The following CPS1 variants were observed in gnomAD, a reference collection of about 807,000 sequenced individuals.
The protein encoded by CPS1 is carbamoyl-phosphate synthase 1.
CPS1 carries 109 observed loss-of-function variants against 174.6 expected under a neutral mutation model. The ratio of observed to expected loss-of-function variants is 0.62; its 90% CI spans 0.53 to 0.73. The LOEUF is 0.73. CPS1 is among the 30% of genes least tolerant of loss of function. The probability of loss-of-function intolerance (pLI) is 0.00; values close to 1 mark genes in which losing one functional copy is unlikely to be tolerated. For synonymous variants in CPS1, 637 were observed against 632.0 expected (o/e 1.01, Z -0.12); for missense variants, 1,689 against 1,821.9 (o/e 0.93, Z 1.33).
intron 30 of CPS1, 67 bp downstream of exon 30, chr2:210,656,699 T>TG (rs954172780): frequency 2.1e-5 from 25 of 1,197,290 alleles, no homozygotes; most frequent in African/African-American, 3.1e-5. Context: ...TAAGGTTTTT[T>TG]TTTTTTTTTT....
intron 1 of CPS1, among the ~76,000 whole-genome samples, chr2:210,537,328 G>A (rs1696283155): frequency 6.6e-6 from 1 of 152,204 alleles, no homozygotes; most frequent in South Asian, 2.1e-4. Context: ...TGCATTTGCT[G>A]TGTCTTCTGG....
chr2:210,488,922 C>G (rs1247440102), intron 1 of CPS1, among the ~76,000 whole-genome samples: 1 of 151,814 alleles, frequency 6.6e-6, no homozygotes, highest in Non-Finnish European at 1.5e-5. Flanking sequence ...TCTAGCAAAA[C>G]TAGAAGTCTT....
chr2:210,640,977 A>G (rs957979211), intron 24 of CPS1, among the ~76,000 whole-genome samples: 25 of 152,232 alleles, frequency 1.6e-4, no homozygotes, highest in African/African-American at 6.0e-4. Context: ...ATCAAGTGCC[A>G]GGAAGTTCAG....
At chr2:210,673,214 T>A (rs2105939659) in intron 34 of CPS1, 1 of 152,334 alleles carries the variant, frequency 6.6e-6, no homozygotes, top group East Asian at 1.9e-4. Context: ...GAAGAATGGA[T>A]ATGTTTTTAA....
intron 15 of CPS1, among the ~76,000 whole-genome samples, chr2:210,601,710 C>T (rs1698732501): frequency 6.6e-6 from 1 of 151,754 alleles, no homozygotes; most frequent in African/African-American, 2.4e-5. Flanking sequence ...AAAAGAATTC[C>T]AAGCTTCTGG....
chr2:210,515,688 T>C (rs541267202), intron 1 of CPS1, among the ~76,000 whole-genome samples: 1 of 151,888 alleles, frequency 6.6e-6, no homozygotes, highest in Non-Finnish European at 1.5e-5. Flanking sequence ...TAGATTTTTG[T>C]GTCTCATTTC....
In CPS1 at chr2:210,579,696, A is replaced by G; in HGVS notation, c.472-18A>G. On this transcript the variant is annotated intron_variant, in intron 4 of 37. Transcript: ENST00000233072. ...AATCTCCTCCAATTTCACTGTCACT[A>G]CAATTTTTTTCTTATAGGTTCCTGC... 1 of 1,605,490 alleles carries G rather than the reference A, an allele frequency of 6.2e-7. No individual in the cohort carries two copies. The highest frequency in any genetic ancestry group is 8.5e-7 in the Non-Finnish European group (1 of 1,172,606).
chr2:210,549,195 CTCACAGCTAGGGTTGCTCT>C (rs1411207391), intron 1 of CPS1, among the ~76,000 whole-genome samples: 1 of 152,020 alleles, frequency 6.6e-6, no homozygotes, highest in Non-Finnish European at 1.5e-5. Flanking sequence ...AACCATCTAC[CTCACAGCTAGGGTTGCTCT>C]TTAGAATCTT....
intron 6 of CPS1, among the ~76,000 whole-genome samples, chr2:210,584,072 T>C (rs1418738770): frequency 2.0e-5 from 3 of 152,128 alleles, no homozygotes; most frequent in Admixed American, 6.6e-5. Flanking sequence ...TATGGGATAC[T>C]GCTATGAAAT....
At chr2:210,573,145 C>A (rs1352559515) in intron 1 of CPS1, among the ~76,000 whole-genome samples, 153 bp from the exon 2 acceptor site, 1 of 151,952 alleles carries the variant, frequency 6.6e-6, no homozygotes, top group African/African-American at 2.4e-5. Flanking sequence ...AGAAAAGTGA[C>A]AAGTAATAGG....
intron 1 of CPS1, among the ~76,000 whole-genome samples, chr2:210,559,686 T>C (rs1241675921): frequency 3.3e-5 from 5 of 152,170 alleles, no homozygotes; most frequent in Non-Finnish European, 7.4e-5. Context: ...AATAGTGGGA[T>C]ATACTCTGGA....
chr2:210,477,742 C>T (rs1268853943), exon 1 of CPS1: 4 of 1,613,204 alleles, frequency 2.5e-6, no homozygotes, highest in Non-Finnish European at 3.4e-6. Context: ...TCATCAAATT[C>T]ATGAAGATTT....
At chr2:210,534,688 G>A (rs1696201779) in intron 1 of CPS1, among the ~76,000 whole-genome samples, 1 of 152,166 alleles carries the variant, frequency 6.6e-6, no homozygotes, top group Non-Finnish European at 1.5e-5. Flanking sequence ...TTATTTTTCT[G>A]TTACTGAACT....
intron 1 of CPS1, among the ~76,000 whole-genome samples, chr2:210,502,270 G>T (rs993426004): frequency 4.6e-5 from 7 of 151,766 alleles, no homozygotes; most frequent in Non-Finnish European, 1.0e-4. Context: ...AATGCTCACA[G>T]AGTTGATCTT....
At chr2:210,592,604 T>A (rs1462762098) in intron 10 of CPS1, among the ~76,000 whole-genome samples, 4 of 151,946 alleles carry the variant, frequency 2.6e-5, no homozygotes, top group Non-Finnish European at 4.4e-5. Flanking sequence ...CCAAAGACTA[T>A]AGACCAAATT....
intron 13 of CPS1, 27 bp from the exon 14 acceptor site, chr2:210,599,345 T>A (rs183323320): frequency 1.9e-6 from 3 of 1,602,458 alleles, no homozygotes; most frequent in African/African-American, 2.7e-5. Context: ...CATATATTCA[T>A]GTACTGGATT....
chr2:210,540,265 A>G (rs1696363374), intron 1 of CPS1, among the ~76,000 whole-genome samples: 2 of 152,174 alleles, frequency 1.3e-5, no homozygotes, highest in Admixed American at 6.5e-5. Flanking sequence ...TCCTGTTGTA[A>G]TAATTCCAAA....
chr2:210,544,216 T>C (rs566851123), intron 1 of CPS1, among the ~76,000 whole-genome samples: 1 of 152,210 alleles, frequency 6.6e-6, no homozygotes, highest in Non-Finnish European at 1.5e-5. Context: ...AGAAAACACA[T>C]TGGGAATCAG....
chr2:210,642,835 C>A (rs560594052), intron 25 of CPS1, among the ~76,000 whole-genome samples, 170 bp downstream of exon 25: 1 of 152,192 alleles, frequency 6.6e-6, no homozygotes, highest in East Asian at 1.9e-4. Flanking sequence ...AAAAAAATCA[C>A]TCCATTCTTA....
Sources: allele counts gnomAD v4.1 joint callset (sites outside exome capture counted in the v4.1 genomes callset), GRCh38; gene constraint gnomAD v4.1.1; transcripts MANE v1.5; gene names NCBI Gene and HGNC (gene_info 2026-07-23, HGNC 2026-07-21).